ZNF286A: variants seen among roughly 807,000 people sequenced by gnomAD.
ZNF286A encodes zinc finger protein ZNF286.
ZNF286A carries 34 observed loss-of-function variants against 49.3 expected under a neutral mutation model. The ratio of observed to expected loss-of-function variants is 0.69; its 90% CI spans 0.52 to 0.92. The LOEUF (loss-of-function observed/expected upper bound fraction) is 0.92. ZNF286A is among the 40% of genes least tolerant of loss of function. The probability of loss-of-function intolerance (pLI) is 0.00; values close to 1 mark genes in which losing one functional copy is unlikely to be tolerated. For synonymous variants in ZNF286A, 155 were observed against 200.4 expected (o/e 0.77, Z 1.91); for missense variants, 462 against 600.2 (o/e 0.77, Z 2.41).
intron 4 of ZNF286A, among the ~76,000 whole-genome samples, chr17:15,707,944 A>G (rs1990358839): frequency 6.6e-6 from 1 of 152,186 alleles, no homozygotes. Context: ...TGAGCCCCGG[A>G]GTTCGAGACC....
Position 15,716,684 on chromosome 17 carries a change from C to T in ZNF286A, c.960C>T (p.His320=), listed in dbSNP as rs371680524. ...SSSLATHQRI[H]VGERPYECNE... ...CCCTTGCAACACATCAGAGAATTCACGTTGGAGAGAGACCTTATGAATGCA... is the reference window on the plus strand; with the variant it reads ...CCCTTGCAACACATCAGAGAATTCATGTTGGAGAGAGACCTTATGAATGCA... Residue 320 remains histidine (H), a synonymous_variant, in exon 6 of 6, where the codon CAC becomes CAT. Transcript: ENST00000583566. 44 of 1,613,808 alleles carry T rather than the reference C, an allele frequency of 2.7e-5. 1 individual carries two copies. The highest frequency in any genetic ancestry group is 1.6e-4 in the Middle Eastern group (1 of 6,082).
Position 15,717,246 on chromosome 17 carries a change from T to A in ZNF286A, c.1522T>A (p.Ser508Thr), listed in dbSNP as rs1967111804. Residue 508 changes from serine to threonine, a missense_variant, in exon 6 of 6, where the codon TCT becomes ACT. Ser to Thr is a moderately conservative substitution (Grantham distance 58). Coordinates refer to ENST00000583566, the MANE Select transcript of ZNF286A (RefSeq NM_001130842.2). ...ECGKSFKCSS[S>T]LIRHQRVHTE... ...TGGGAAAAGCTTTAAGTGCAGTTCATCTCTCATCAGACATCAAAGAGTTCA... is the reference window on the plus strand; with the variant it reads ...TGGGAAAAGCTTTAAGTGCAGTTCAACTCTCATCAGACATCAAAGAGTTCA... 1 of 1,607,572 alleles carries A rather than the reference T, an allele frequency of 6.2e-7. No homozygotes were observed. Among genetic ancestry groups the A allele is most frequent in the African/African-American group, 1.3e-5 (1 of 74,222 alleles).
chr17:15,708,859 G>C (rs910073785), intron 5 of ZNF286A, among the ~76,000 whole-genome samples: 1 of 152,088 alleles, frequency 6.6e-6, no homozygotes, highest in Non-Finnish European at 1.5e-5. Context: ...TGAGTATTTG[G>C]ATAGTTTCCA....
chr17:15,714,726 T>C (rs1403352227), intron 5 of ZNF286A, among the ~76,000 whole-genome samples: 1 of 152,146 alleles, frequency 6.6e-6, no homozygotes, highest in East Asian at 1.9e-4. Context: ...TCTATATGTA[T>C]AGTGACTGTT....
intron 5 of ZNF286A, among the ~76,000 whole-genome samples, chr17:15,714,741 C>T (rs563273444): frequency 6.6e-6 from 1 of 152,050 alleles, no homozygotes; most frequent in Non-Finnish European, 1.5e-5. Context: ...ACTGTTTTTT[C>T]CCAGTGACTA....
At chr17:15,699,843 T>A in intron 1 of ZNF286A, 66 bp downstream of exon 1, 4 of 702,598 alleles carry the variant, frequency 5.7e-6, no homozygotes, top group African/African-American at 1.7e-5. Flanking sequence ...CGGGTCGTTC[T>A]GTGCCGAGTC....
chr17:15,720,666 G>A lies in ZNF286A; in HGVS notation c.*3376G>A, dbSNP rs976410286. 1.4e-5 allele frequency: 2 copies of A among 147,596 alleles called. No individual in the cohort carries two copies. The highest frequency in any genetic ancestry group is 5.1e-5 in the African/African-American group (2 of 39,548). 9.1% of individuals were successfully genotyped at this position (147,596 alleles called of 1,614,324 possible). On this transcript the variant is annotated 3_prime_UTR_variant, in exon 6 of 6. Transcript: ENST00000583566. ...GTTTAACCTGCCACATGTTTGTACT[G>A]CAACATGAATCTTGGAAATTTTAAT...
At chr17:15,708,942 C>T (rs1990443335) in intron 5 of ZNF286A, among the ~76,000 whole-genome samples, 1 of 152,100 alleles carries the variant, frequency 6.6e-6, no homozygotes, top group Admixed American at 6.5e-5. Context: ...ATATGCATTT[C>T]TTCTGGATAT....
In ZNF286A at chr17:15,717,719, C is replaced by T. The variant is rs1967141616; in HGVS notation, c.*429C>T. The T allele has an allele frequency of 6.1e-6, 1 of 162,786 alleles. No homozygotes were observed. Among genetic ancestry groups the T allele is most frequent in the Admixed American group, 5.8e-5 (1 of 17,390 alleles). The allele number at this position is 162,786 out of a possible 1,614,324, so 10.1% of individuals were successfully genotyped here. On this transcript the variant is annotated 3_prime_UTR_variant, in exon 6 of 6. Transcript: ENST00000583566. ...GAAGACACAATGTTGTTATTTATTA[C>T]TCCTTGAGATCTAGATACACATATG...
intron 5 of ZNF286A, among the ~76,000 whole-genome samples, chr17:15,714,500 CAG>C (rs1258973455): frequency 1.3e-5 from 2 of 152,040 alleles, no homozygotes; most frequent in South Asian, 2.1e-4. Context: ...TATGCTGTGT[CAG>C]AGTTTTAAAT....
rs1239570576 is a variant in ZNF286A at position 15,718,754 on chromosome 17, A to G, written c.*1464A>G. 6.7e-6 allele frequency: 1 copy of G among 149,186 alleles called. No individual in the cohort carries two copies. Among genetic ancestry groups the G allele is most frequent in the Non-Finnish European group, 1.5e-5 (1 of 67,766 alleles). 9.2% of individuals were successfully genotyped at this position (149,186 alleles called of 1,614,324 possible). A position where few individuals can be genotyped will look rare whatever the true frequency, so the allele number is the denominator to read the frequency against. On this transcript the variant is annotated 3_prime_UTR_variant, in exon 6 of 6. Coordinates refer to ENST00000583566, the MANE Select transcript of ZNF286A (RefSeq NM_001130842.2). ...GTTGTCTGTATCGGTTCAATCTCACACTGCTATAAAGAAATGCCTGAGACT... is the reference window on the plus strand; with the variant it reads ...GTTGTCTGTATCGGTTCAATCTCACGCTGCTATAAAGAAATGCCTGAGACT...
chr17:15,712,834 G>A (rs985710089), intron 5 of ZNF286A, among the ~76,000 whole-genome samples: 6 of 151,840 alleles, frequency 4.0e-5, no homozygotes, highest in Admixed American at 1.3e-4. Context: ...CTGCCTTCAC[G>A]GTAACAGACA....
intron 4 of ZNF286A, among the ~76,000 whole-genome samples, chr17:15,707,913 G>A (rs1990356545): frequency 6.6e-6 from 1 of 152,246 alleles, no homozygotes; most frequent in Non-Finnish European, 1.5e-5. Flanking sequence ...CACTTAGGGA[G>A]GCAGAGGTGG....
Position 15,715,907 on chromosome 17 carries a change from A to T in ZNF286A, c.335-152A>T. ...ATAGTCTGAGCATTTGTTTCCCTCC[A>T]TTTGTTTCTCTTTGCAAATCATCTG... is the stretch of plus-strand genomic sequence containing the variant. On this transcript the variant is annotated intron_variant, in intron 5 of 5. Coordinates refer to ENST00000583566, the MANE Select transcript of ZNF286A (RefSeq NM_001130842.2). 6 of 1,501,570 alleles carry T rather than the reference A, an allele frequency of 4.0e-6. No homozygotes were observed. In the Middle Eastern group the frequency reaches 7.0e-4, roughly 176 times the overall value. 93.0% of individuals were successfully genotyped at this position (1,501,570 alleles called of 1,614,324 possible). A position where few individuals can be genotyped will look rare whatever the true frequency, so the allele number is the denominator to read the frequency against.
rs1161528277 is a variant in ZNF286A, at chr17:15,704,600, T to C, written c.127-1787T>C. The C allele has an allele frequency of 2.5e-6, 4 of 1,613,940 alleles. No individual in the cohort carries two copies. The East Asian group carries it at 6.7e-5, about 27-fold the overall frequency. ...ATGCCCAGCTCAGCCGTCCAGTCCC[T>C]CTTGAGCACGTTGACGCAGATCTCG... On this transcript the variant is annotated intron_variant, in intron 3 of 5. Coordinates refer to ENST00000583566, the MANE Select transcript of ZNF286A (RefSeq NM_001130842.2).
Position 15,717,444 on chromosome 17 carries a change from C to G in ZNF286A, c.*154C>G. On this transcript the variant is annotated 3_prime_UTR_variant, in exon 6 of 6. Transcript: ENST00000583566. ...GTAATACATAGTTTTGAGCCATAAG[C>G]AGGTTCTTTATGTCCGTTAATTTGA... 1 of 1,329,662 alleles carries G rather than the reference C, an allele frequency of 7.5e-7. No homozygotes were observed. The highest frequency in any genetic ancestry group is 1.0e-6 in the Non-Finnish European group (1 of 1,001,624). 82.4% of individuals were successfully genotyped at this position (1,329,662 alleles called of 1,614,324 possible).
At chr17:15,706,953 G>T (rs1366339553) in intron 4 of ZNF286A, among the ~76,000 whole-genome samples, 1 of 152,150 alleles carries the variant, frequency 6.6e-6, no homozygotes, top group East Asian at 1.9e-4. Context: ...TTTCCTGGGA[G>T]TTTCAGCAAA....
At position 15,708,186 on chromosome 17, in the gene ZNF286A, C is replaced by T. The variant is rs770888369; in HGVS notation, c.273C>T (p.Asn91=). 10 of 1,597,946 alleles carry T rather than the reference C, an allele frequency of 6.3e-6. No individual in the cohort carries two copies. The East Asian group carries it at 1.8e-4, about 29-fold the overall frequency. The change falls in exon 5 of 6, where the codon AAC becomes AAT. Residue 91 remains asparagine, a synonymous_variant. Transcript: ENST00000583566. The stretch of plus-strand genomic sequence containing the variant: ...CAGTTTCCAAACCTGAGAGCTACAA[C>T]TTGGAGAATGGAAAAGAACCATTGA... ...WLPVSKPESY[N]LENGKEPLKL... is the part of the protein sequence containing the mutation.
chr17:15,701,864 T>C (rs1268425320), intron 3 of ZNF286A, among the ~76,000 whole-genome samples: 3 of 152,210 alleles, frequency 2.0e-5, no homozygotes, highest in Non-Finnish European at 4.4e-5. Context: ...GGCTCATGCC[T>C]GTAATTCCAG....
Sources: allele counts gnomAD v4.1 joint callset (sites outside exome capture counted in the v4.1 genomes callset), GRCh38; gene constraint gnomAD v4.1.1; transcripts MANE v1.5; gene names NCBI Gene and HGNC (gene_info 2026-07-23, HGNC 2026-07-21).